DIAPH3: variants seen among roughly 807,000 people sequenced by gnomAD.
DIAPH3 encodes diaphanous related formin 3.
DIAPH3 carries 117 observed loss-of-function variants against 144.3 expected under a neutral mutation model. That is an observed-to-expected ratio of 0.81 (90% CI 0.70 to 0.95). The LOEUF is 0.95. Ranked by LOEUF, DIAPH3 falls within the 40% of genes least tolerant of loss-of-function variation. DIAPH3 has a pLI of 0.00. For missense variants in DIAPH3, 1,421 were observed against 1,412.7 expected (o/e 1.01, Z -0.09); for synonymous variants, 519 against 488.9 (o/e 1.06, Z -0.81).
chr13:60,139,553 G>A (rs953236850), intron 1 of DIAPH3, among the ~76,000 whole-genome samples: 2 of 152,016 alleles, frequency 1.3e-5, no homozygotes, highest in Non-Finnish European at 2.9e-5. Context: ...TAAGGAGAAG[G>A]CATCATTCAA....
chr13:59,724,690 C>T (rs930566906), intron 27 of DIAPH3, among the ~76,000 whole-genome samples: 4 of 152,136 alleles, frequency 2.6e-5, no homozygotes, highest in Non-Finnish European at 4.4e-5. Context: ...CATAAATTGC[C>T]GATTGCGTCA....
chr13:59,826,754 A>G (rs987948131), intron 24 of DIAPH3, among the ~76,000 whole-genome samples: 6 of 152,198 alleles, frequency 3.9e-5, no homozygotes, highest in Non-Finnish European at 7.4e-5. Flanking sequence ...ACAAAGCTGG[A>G]GGCATCACGC....
At chr13:60,078,416 G>A (rs2057446713) in intron 4 of DIAPH3, among the ~76,000 whole-genome samples, 1 of 152,104 alleles carries the variant, frequency 6.6e-6, no homozygotes, top group African/African-American at 2.4e-5. Context: ...AGTGGGCAAG[G>A]TGGAGGTCAG....
chr13:60,149,316 G>T (rs868851868), intron 1 of DIAPH3, among the ~76,000 whole-genome samples: 2 of 152,160 alleles, frequency 1.3e-5, no homozygotes, highest in Non-Finnish European at 2.9e-5. Context: ...GCAAGCTCTA[G>T]GAAAACTTTC....
intron 3 of DIAPH3, among the ~76,000 whole-genome samples, chr13:60,107,469 G>A (rs758767544): frequency 1.3e-5 from 2 of 151,944 alleles, no homozygotes; most frequent in Non-Finnish European, 2.9e-5. Context: ...AAAAAACACT[G>A]CAGGACAAAA....
rs73214504 is a variant in DIAPH3, at chr13:60,016,443, A to C, written c.627-298T>G. 0.07 allele frequency among the ~76,000 whole-genome samples: 10,625 copies of C among 152,174 alleles called. 409 individuals are homozygous for C. The highest frequency in any genetic ancestry group is 0.11 in the Admixed American group (1,628 of 15,276). ...GTAGCTTGAAATCAGCCACAGTGAA[A>C]GTATTCACACCAAAGAAACTGGCAA... On this transcript the variant is annotated intron_variant, in intron 5 of 27. Transcript: ENST00000400324.
intron 4 of DIAPH3, among the ~76,000 whole-genome samples, chr13:60,072,499 T>C (rs565684324): frequency 6.6e-6 from 1 of 152,344 alleles, no homozygotes; most frequent in South Asian, 2.1e-4. Flanking sequence ...GTGTATTCCT[T>C]GCTCTTCTCT....
At chr13:59,775,381 T>G (rs1324854691) in intron 25 of DIAPH3, among the ~76,000 whole-genome samples, 1 of 152,150 alleles carries the variant, frequency 6.6e-6, no homozygotes, top group Non-Finnish European at 1.5e-5. Context: ...TAGCTGGGAC[T>G]ACAGGCGCCT....
chr13:60,126,407 TA>T (rs2058989762), intron 2 of DIAPH3, among the ~76,000 whole-genome samples: 2 of 152,190 alleles, frequency 1.3e-5, no homozygotes, highest in South Asian at 4.1e-4. Context: ...CGTCATTTAT[TA>T]AAGATAAAGA....
chr13:59,917,666 G>T lies in DIAPH3; in HGVS notation c.2171-1417C>A, dbSNP rs140530997. Among the ~76,000 whole-genome samples the T allele has an allele frequency of 6.6e-5, 10 of 151,918 alleles. No individual in the cohort carries two copies. In the South Asian group the frequency reaches 2.1e-3, roughly 32 times the overall value. ...AGCACTTTGGGAGGCAGAGGCAGGCGGATCACGAGGTCAGCAGATCGAGAT... is the reference window on the plus strand; with the variant it reads ...AGCACTTTGGGAGGCAGAGGCAGGCTGATCACGAGGTCAGCAGATCGAGAT... On this transcript the variant is annotated intron_variant, in intron 18 of 27. Coordinates refer to ENST00000400324, the MANE Select transcript of DIAPH3 (RefSeq NM_001042517.2).
intron 24 of DIAPH3, among the ~76,000 whole-genome samples, chr13:59,815,797 T>A (rs2040739354): frequency 1.3e-5 from 2 of 152,090 alleles, no homozygotes; most frequent in Admixed American, 6.6e-5. Context: ...TAATTTTTCT[T>A]ATTATTTCTG....
intron 4 of DIAPH3, among the ~76,000 whole-genome samples, chr13:60,073,388 C>G (rs2057280069): frequency 6.6e-6 from 1 of 151,822 alleles, no homozygotes; most frequent in South Asian, 2.1e-4. Context: ...GTGGCATTTC[C>G]TAGTAAATGA....
chr13:59,820,497 C>A (rs528841128), intron 24 of DIAPH3, among the ~76,000 whole-genome samples: 1 of 151,814 alleles, frequency 6.6e-6, no homozygotes, highest in African/African-American at 2.4e-5. Flanking sequence ...GTTTTCTCCA[C>A]GAAAGTACTA....
chr13:59,776,846 T>C (rs1056743421), intron 25 of DIAPH3, among the ~76,000 whole-genome samples: 1 of 151,910 alleles, frequency 6.6e-6, no homozygotes, highest in South Asian at 2.1e-4. Context: ...AATGGAAATA[T>C]GGAATTGGAG....
chr13:60,066,925 T>C (rs972446679), intron 4 of DIAPH3, among the ~76,000 whole-genome samples: 4 of 152,234 alleles, frequency 2.6e-5, no homozygotes, highest in Non-Finnish European at 5.9e-5. Flanking sequence ...AGATCTTTCC[T>C]AAAAGGAACT....
intron 5 of DIAPH3, among the ~76,000 whole-genome samples, chr13:60,030,877 T>C (rs1594419260): frequency 6.6e-6 from 1 of 152,264 alleles, no homozygotes; most frequent in East Asian, 1.9e-4. Context: ...CATAGACCAT[T>C]TTTGTCATTG....
intron 1 of DIAPH3, among the ~76,000 whole-genome samples, chr13:60,137,375 A>C (rs1473129748): frequency 6.6e-6 from 1 of 152,234 alleles, no homozygotes; most frequent in Non-Finnish European, 1.5e-5. Context: ...AACTGTGCTA[A>C]ATGCTGTGAA....
At chr13:59,999,620 T>C (rs1253337655) in intron 9 of DIAPH3, among the ~76,000 whole-genome samples, 1 of 152,130 alleles carries the variant, frequency 6.6e-6, no homozygotes, top group Non-Finnish European at 1.5e-5. Flanking sequence ...GCACAGCAAG[T>C]ATACTAAAAT....
At chr13:59,778,491 T>G (rs1299752213) in intron 25 of DIAPH3, among the ~76,000 whole-genome samples, 5 of 152,246 alleles carry the variant, frequency 3.3e-5, no homozygotes, top group Non-Finnish European at 7.3e-5. Flanking sequence ...CTAAATTAGC[T>G]AAGATGGTCA....
Sources: allele counts gnomAD v4.1 joint callset (sites outside exome capture counted in the v4.1 genomes callset), GRCh38; gene constraint gnomAD v4.1.1; transcripts MANE v1.5; gene names NCBI Gene and HGNC (gene_info 2026-07-23, HGNC 2026-07-21).